ZNHIT1: variants seen among roughly 807,000 people sequenced by gnomAD.
ZNHIT1 encodes the protein zinc finger HIT-type containing 1, also known as zinc finger HIT domain-containing protein 1.
Under a neutral mutation model 21.4 loss-of-function variants are expected in ZNHIT1, and 20 were observed. The observed-to-expected ratio is 0.93, with a 90% confidence interval of 0.66 to 1.36. The LOEUF (loss-of-function observed/expected upper bound fraction) is 1.36, where lower values mean the gene tolerates loss of function less well. Among genes scored for constraint, ZNHIT1 ranks in the 40% most tolerant of loss-of-function variants. The pLI, the probability that ZNHIT1 is intolerant of heterozygous loss-of-function variation, is 0.00. For synonymous variants in ZNHIT1, 79 were observed against 84.0 expected (o/e 0.94, Z 0.32); for missense variants, 170 against 213.5 (o/e 0.80, Z 1.27).
At chr7:101,218,938 A>C (rs1408402639) in intron 1 of ZNHIT1, 2 of 152,612 alleles carry the variant, frequency 1.3e-5, no homozygotes, top group African/African-American at 4.8e-5. Flanking sequence ...CCTCACGTGC[A>C]AAGGCAGTGA....
intron 2 of ZNHIT1, 80 bp downstream of exon 2, chr7:101,222,854 A>G: frequency 6.6e-7 from 1 of 1,525,910 alleles, no homozygotes; most frequent in African/African-American, 1.4e-5. Context: ...CTGTGGGAGG[A>G]CCCAGGAGCT....
chr7:101,219,299 G>A (rs1798333675), intron 1 of ZNHIT1: 1 of 152,196 alleles, frequency 6.6e-6, no homozygotes, highest in South Asian at 2.1e-4. Context: ...GTTGAGATGG[G>A]TGTCTCACTA....
rs1169715618 is a variant in ZNHIT1 at position 101,222,450 on chromosome 7, C to CAG, written c.23-154_23-153insAG. On this transcript the variant is annotated intron_variant, in intron 1 of 4. Transcript: ENST00000305105. ...GGAAGTGTGGGCCCAGGGCTTGGCC[C>CAG]GGGAGGAGACAAGGGGACCAAGGGC... 3.5e-6 allele frequency: 3 copies of CAG among 859,620 alleles called. No homozygotes were observed. In the Admixed American group the frequency reaches 8.0e-5, roughly 23 times the overall value. The allele number at this position is 859,620 out of a possible 1,614,324, so 53.2% of individuals were successfully genotyped here. A position where few individuals can be genotyped will look rare whatever the true frequency, so the allele number is the denominator to read the frequency against.
chr7:101,220,046 A>C (rs1345627210), intron 1 of ZNHIT1: 1 of 149,108 alleles, frequency 6.7e-6, no homozygotes, highest in African/African-American at 2.5e-5. Flanking sequence ...ACTGCCTGGC[A>C]TTTGGAGGGG....
Position 101,218,204 on chromosome 7 carries a change from GAAGA to G in ZNHIT1, c.12_15del (p.Lys5LeufsTer88). ...ACAGTTGTGTTGTGCCAATGGTGGA[GAAGA>G]AAACTTCGGGTATGTGAGCCCCCGC... On this transcript the variant is annotated frameshift_variant, in exon 1 of 5. Transcript: ENST00000305105. LOFTEE classifies it high-confidence loss of function. 1 of 1,613,404 alleles carries G rather than the reference GAAGA, an allele frequency of 6.2e-7. No homozygotes were observed. Among genetic ancestry groups the G allele is most frequent in the Non-Finnish European group, 8.5e-7 (1 of 1,179,470 alleles).
At chr7:101,218,320 C>T in intron 1 of ZNHIT1, 103 bp downstream of exon 1, 3 of 1,352,850 alleles carry the variant, frequency 2.2e-6, no homozygotes, top group South Asian at 2.6e-5. Context: ...TTCGCCTAGG[C>T]TGGAGTGCAG....
Position 101,223,800 on chromosome 7 carries a change from G to C in ZNHIT1, c.401G>C (p.Arg134Pro), listed in dbSNP as rs199842287. The change falls in exon 4 of 5, where the codon CGG (arginine) becomes CCG (proline). Residue 134 changes from arginine (R) to proline (P), a missense_variant. Arg to Pro is a moderately radical substitution (Grantham distance 103). Coordinates refer to ENST00000305105, the MANE Select transcript of ZNHIT1 (RefSeq NM_006349.3). ...SPYTCVSCGA[R>P]YCTVRCLGTH... The stretch of plus-strand genomic sequence containing the variant: ...TACACCTGTGTCAGCTGCGGTGCCC[G>C]GTACTGCACTGTGCGCTGTCTGGGG... 6.2e-7 allele frequency: 1 copy of C among 1,614,012 alleles called. No homozygotes were observed. Among genetic ancestry groups the C allele is most frequent in the Non-Finnish European group, 8.5e-7 (1 of 1,180,022 alleles).
rs749755639 is a variant in ZNHIT1 at position 101,223,994 on chromosome 7, AC to A, written c.*37del. On this transcript the variant is annotated 3_prime_UTR_variant, in exon 5 of 5. Transcript: ENST00000305105. Reference sequence around the variant, plus strand: ...TCCCAGAGAGGAAGGGCCGCTGTGCACTGCCCGGCCTTCAGAAAGACAGAAT... The same window carrying A: ...TCCCAGAGAGGAAGGGCCGCTGTGCATGCCCGGCCTTCAGAAAGACAGAAT... The A allele has an allele frequency of 6.2e-7, 1 of 1,613,952 alleles. No individual in the cohort carries two copies. The highest frequency in any genetic ancestry group is 8.5e-7 in the Non-Finnish European group (1 of 1,180,012).
intron 1 of ZNHIT1, chr7:101,218,472 G>T: frequency 2.0e-6 from 1 of 511,126 alleles, no homozygotes; most frequent in Non-Finnish European, 3.4e-6. Context: ...ACGGGCTCTC[G>T]CTATGTTGCC....
chr7:101,222,926 C>T (rs905707868), intron 2 of ZNHIT1, 152 bp downstream of exon 2: 2 of 954,952 alleles, frequency 2.1e-6, no homozygotes, highest in African/African-American at 3.3e-5. Flanking sequence ...CCTTTCTGTG[C>T]CTCAGTTTCC....
At chr7:101,223,383 C>G (rs1224102704) in intron 2 of ZNHIT1, 94 bp from the exon 3 acceptor site, 7 of 1,384,056 alleles carry the variant, frequency 5.1e-6, no homozygotes, top group African/African-American at 1.4e-5. Context: ...TCAAAAAGAA[C>G]CAGGAGGGCA....
Position 101,224,027 on chromosome 7 carries a change from A to G in ZNHIT1, c.*69A>G. On this transcript the variant is annotated 3_prime_UTR_variant, in exon 5 of 5. Coordinates refer to ENST00000305105, the MANE Select transcript of ZNHIT1 (RefSeq NM_006349.3). The stretch of plus-strand genomic sequence containing the variant: ...GCCTTCAGAAAGACAGAATTTCATC[A>G]CCCAATGCAGGGGGAGCTCTTCCTG... 6.2e-7 allele frequency: 1 copy of G among 1,610,434 alleles called. No individual in the cohort carries two copies. The highest frequency in any genetic ancestry group is 8.5e-7 in the Non-Finnish European group (1 of 1,177,752).
rs756889506 is a variant in ZNHIT1 at position 101,223,487 on chromosome 7, GAAGAAAAC to G, written c.205_212del (p.Lys69ProfsTer3). On this transcript the variant is annotated frameshift_variant, in exon 3 of 5. Coordinates refer to ENST00000305105, the MANE Select transcript of ZNHIT1 (RefSeq NM_006349.3). LOFTEE classifies it high-confidence loss of function. ...ACCCTTGACCCCTAGGAAAGAAAAA[GAAGAAAAC>G]CCGAGGTGATCATTTTAAACTTCGC... The G allele has an allele frequency of 6.2e-7, 1 of 1,614,170 alleles. No individual in the cohort carries two copies. Among genetic ancestry groups the G allele is most frequent in the Non-Finnish European group, 8.5e-7 (1 of 1,180,000 alleles).
chr7:101,219,891 A>C (rs1798343417), intron 1 of ZNHIT1: 1 of 152,192 alleles, frequency 6.6e-6, no homozygotes, highest in Admixed American at 6.6e-5. Flanking sequence ...CTCCAAGGCC[A>C]GGTTGGGTGT....
In ZNHIT1 at chr7:101,223,837, G is replaced by C. The variant is rs774731363; in HGVS notation, c.438G>C (p.Glu146Asp). 39 of 1,614,122 alleles carry C rather than the reference G, an allele frequency of 2.4e-5. No individual in the cohort carries two copies. The highest frequency in any genetic ancestry group is 2.5e-5 in the Non-Finnish European group (29 of 1,179,992). Residue 146 changes from glutamate to aspartate, a missense_variant, in exon 4 of 5, where the codon GAG (glutamate) becomes GAC (aspartate). Physicochemically the swap from Glu to Asp is conservative, Grantham distance 45. Coordinates refer to ENST00000305105, the MANE Select transcript of ZNHIT1 (RefSeq NM_006349.3). Reference sequence around the variant, plus strand: ...TGCGCTGTCTGGGGACCCACCAGGAGACCAGGTGAGCATGAGACCTGCTGT... The same window carrying C: ...TGCGCTGTCTGGGGACCCACCAGGACACCAGGTGAGCATGAGACCTGCTGT... ...CTVRCLGTHQ[E>D]TRCLKWTV
rs760380845 is a variant in ZNHIT1 at position 101,223,713 on chromosome 7, G to C, written c.314G>C (p.Cys105Ser). The C allele has an allele frequency of 6.2e-7, 1 of 1,612,870 alleles. No individual in the cohort carries two copies. Among genetic ancestry groups the C allele is most frequent in the South Asian group, 1.1e-5 (1 of 90,932 alleles). The change falls in exon 4 of 5, where the codon TGT becomes TCT. Residue 105 changes from cysteine to serine, a missense_variant. By Grantham distance (112) the Cys-to-Ser change is moderately radical. Coordinates refer to ENST00000305105, the MANE Select transcript of ZNHIT1 (RefSeq NM_006349.3). ...GAGGGCCCTAACTACCTGACGGCCT[G>C]TGCGGGACCCCCATCGCGGCCCCAG... ...VAEGPNYLTA[C>S]AGPPSRPQRP...
chr7:101,224,182 G>C lies in ZNHIT1; in HGVS notation c.*224G>C, dbSNP rs543291723. 1 of 654,486 alleles carries C rather than the reference G, an allele frequency of 1.5e-6. No homozygotes were observed. The highest frequency in any genetic ancestry group is 1.9e-5 in the South Asian group (1 of 51,618). 40.5% of individuals were successfully genotyped at this position (654,486 alleles called of 1,614,324 possible). Reference sequence around the variant, plus strand: ...CAGTGCTGTTAGAATAAAAAGCCTCGTGCCGGAAGCCTTCCTGTTTGGTCG... The same window carrying C: ...CAGTGCTGTTAGAATAAAAAGCCTCCTGCCGGAAGCCTTCCTGTTTGGTCG... On this transcript the variant is annotated 3_prime_UTR_variant, in exon 5 of 5. Transcript: ENST00000305105.
rs754430245 is a variant in ZNHIT1, at chr7:101,223,822, G to T, written c.423G>T (p.Leu141=). ...CGARYCTVRC[L]GTHQETRCLK... is the part of the protein sequence containing the mutation. ...CCCGGTACTGCACTGTGCGCTGTCT[G>T]GGGACCCACCAGGAGACCAGGTGAG... Residue 141 remains leucine, a synonymous_variant, in exon 4 of 5, where the codon CTG becomes CTT. Coordinates refer to ENST00000305105, the MANE Select transcript of ZNHIT1 (RefSeq NM_006349.3). 5.0e-6 allele frequency: 8 copies of T among 1,614,082 alleles called. No homozygotes were observed. Among genetic ancestry groups the T allele is most frequent in the South Asian group, 2.2e-5 (2 of 91,078 alleles).
chr7:101,220,859 C>G (rs1361955424), intron 1 of ZNHIT1: 1 of 152,278 alleles, frequency 6.6e-6, no homozygotes, highest in Non-Finnish European at 1.5e-5. Flanking sequence ...TCAAGCGATT[C>G]TTGTGCCTCA....
Sources: allele counts gnomAD v4.1 joint callset, GRCh38; gene constraint gnomAD v4.1.1; transcripts MANE v1.5; gene names NCBI Gene and HGNC (gene_info 2026-07-23, HGNC 2026-07-21).